Variants in VEZT observed in about 807,000 individuals in gnomAD.
The protein encoded by VEZT is vezatin, adherens junctions transmembrane protein.
Under a neutral mutation model 79.9 loss-of-function variants are expected in VEZT, and 39 were observed. The ratio of observed to expected loss-of-function variants is 0.49; its 90% CI spans 0.38 to 0.64. The LOEUF is 0.64. VEZT is among the 30% of genes least tolerant of loss of function. VEZT has a pLI of 0.00. For missense variants in VEZT, 837 were observed against 893.1 expected (o/e 0.94, Z 0.80); for synonymous variants, 325 against 327.6 (o/e 0.99, Z 0.09).
At chr12:95,282,691 T>G in intron 8 of VEZT, 47 bp downstream of exon 8, 1 of 1,480,892 alleles carries the variant, frequency 6.8e-7, no homozygotes, top group Non-Finnish European at 9.1e-7. Flanking sequence ...ATTAGCAAGC[T>G]TCATTCGTGT....
chr12:95,229,625 G>T (rs1199387838), intron 1 of VEZT, among the ~76,000 whole-genome samples: 1 of 152,130 alleles, frequency 6.6e-6, no homozygotes, highest in Non-Finnish European at 1.5e-5. Context: ...TACAGGAAAA[G>T]AATCTATTCA....
chr12:95,235,985 GC>G (rs1566021231), intron 1 of VEZT, among the ~76,000 whole-genome samples: 2 of 152,094 alleles, frequency 1.3e-5, no homozygotes, highest in East Asian at 3.9e-4. Flanking sequence ...TGGGATGGCA[GC>G]CGGGCAGAGA....
chr12:95,289,034 G>A (rs971742886), intron 9 of VEZT, among the ~76,000 whole-genome samples: 2 of 150,402 alleles, frequency 1.3e-5, no homozygotes, highest in Non-Finnish European at 3.0e-5. Flanking sequence ...AGCTATGATC[G>A]TGCCACTGCT....
intron 6 of VEZT, among the ~76,000 whole-genome samples, chr12:95,271,600 T>A (rs1473675352): frequency 1.3e-5 from 2 of 152,206 alleles, no homozygotes; most frequent in Admixed American, 1.3e-4. Context: ...TATGACAGTG[T>A]GGCATGTGAA....
chr12:95,256,467 C>A (rs2063504576), intron 2 of VEZT: 3 of 723,720 alleles, frequency 4.1e-6, no homozygotes, highest in Non-Finnish European at 5.8e-6. Context: ...GATTGTAATT[C>A]TTTATATTGT....
At chr12:95,247,496 C>A (rs1047681638) in intron 1 of VEZT, among the ~76,000 whole-genome samples, 1 of 150,890 alleles carries the variant, frequency 6.6e-6, no homozygotes, top group Non-Finnish European at 1.5e-5. Flanking sequence ...AGAATTTTTT[C>A]ATTAACATAT....
intron 9 of VEZT, among the ~76,000 whole-genome samples, chr12:95,293,398 ACTT>A (rs924021942): frequency 6.0e-5 from 9 of 149,472 alleles, no homozygotes; most frequent in African/African-American, 2.2e-4. Context: ...TTTAAACCAT[ACTT>A]CTTTTTTTTA....
intron 1 of VEZT, among the ~76,000 whole-genome samples, chr12:95,225,496 G>A (rs2058292489): frequency 6.6e-6 from 1 of 152,106 alleles, no homozygotes; most frequent in Admixed American, 6.6e-5. Context: ...GGCTGAGCTT[G>A]CAGTGAGCCA....
rs111949879 is a variant in VEZT, at chr12:95,287,861, C to G, written c.1522+4C>G. 6.3e-7 allele frequency: 1 copy of G among 1,580,148 alleles called. No homozygotes were observed. The highest frequency in any genetic ancestry group is 8.6e-7 in the Non-Finnish European group (1 of 1,162,576). On this transcript the variant is annotated splice_donor_region_variant and intron_variant, in intron 9 of 11. Transcript: ENST00000436874. ...CGAAGAAATACAGATAAAAAAGGTA[C>G]CTGTGAGAGATTTCTTTGCCATATG...
intron 1 of VEZT, among the ~76,000 whole-genome samples, chr12:95,235,591 G>C (rs1218820307): frequency 7.1e-6 from 1 of 140,372 alleles, no homozygotes; most frequent in Non-Finnish European, 1.6e-5. Context: ...GGGCAGAGGG[G>C]CTCCTCACTT....
intron 1 of VEZT, among the ~76,000 whole-genome samples, chr12:95,234,758 A>G (rs997400711): frequency 3.3e-5 from 5 of 152,112 alleles, no homozygotes; most frequent in Admixed American, 6.5e-5. Context: ...CAGCAGATAA[A>G]CAAGTGAACA....
At chr12:95,283,244 G>T (rs1456115827) in intron 8 of VEZT, among the ~76,000 whole-genome samples, 2 of 152,020 alleles carry the variant, frequency 1.3e-5, no homozygotes, top group African/African-American at 4.8e-5. Context: ...GTCCCACTTT[G>T]GTATACCTTT....
intron 1 of VEZT, among the ~76,000 whole-genome samples, chr12:95,232,308 G>A (rs1217652590): frequency 2.6e-5 from 4 of 152,112 alleles, no homozygotes; most frequent in Non-Finnish European, 5.9e-5. Context: ...CTGTTGGCAT[G>A]GTAGAAACTT....
At chr12:95,246,469 GAA>G (rs2137578446) in intron 1 of VEZT, among the ~76,000 whole-genome samples, 1 of 152,302 alleles carries the variant, frequency 6.6e-6, no homozygotes, top group South Asian at 2.1e-4. Context: ...GGGCTGGCAA[GAA>G]GTGTCAGTAG....
intron 4 of VEZT, among the ~76,000 whole-genome samples, chr12:95,264,526 T>C (rs897153641): frequency 2.6e-5 from 4 of 152,116 alleles, no homozygotes; most frequent in African/African-American, 9.7e-5. Flanking sequence ...AGCCTCAGCC[T>C]CCTAGACTCA....
Position 95,274,744 on chromosome 12 carries a change from AC to A in VEZT, c.856del (p.Leu286Ter). ...RLATLYMLKNYPLNSESDNVT... is the reference protein window; with the variant it reads ...RLATLYMLKNXPLNSESDNVT... Reference sequence around the variant, plus strand: ...TGATTGCCTTAACCTAATTTAACCTACCCCCTGAACTCTGAGAGTGACAATG... The same window carrying A: ...TGATTGCCTTAACCTAATTTAACCTACCCCTGAACTCTGAGAGTGACAATG... On this transcript the variant is annotated frameshift_variant, in exon 7 of 12. Coordinates refer to ENST00000436874, the MANE Select transcript of VEZT (RefSeq NM_017599.4). LOFTEE classifies it high-confidence loss of function. 6.2e-7 allele frequency: 1 copy of A among 1,608,790 alleles called. No homozygotes were observed. Among genetic ancestry groups the A allele is most frequent in the South Asian group, 1.1e-5 (1 of 89,844 alleles).
chr12:95,247,155 T>C (rs2061835264), intron 1 of VEZT, among the ~76,000 whole-genome samples: 1 of 152,230 alleles, frequency 6.6e-6, no homozygotes, highest in Non-Finnish European at 1.5e-5. Context: ...CATTCTCATG[T>C]GTGTATACAG....
intron 4 of VEZT, among the ~76,000 whole-genome samples, chr12:95,264,466 G>A (rs183521995): frequency 3.3e-5 from 5 of 152,046 alleles, no homozygotes; most frequent in African/African-American, 4.8e-5. Context: ...TTTGAGACAG[G>A]GTCTCTGTTG....
rs1253888678 is a variant in VEZT, at chr12:95,274,780, A to G, written c.887A>G (p.Tyr296Cys). 2 of 1,613,694 alleles carry G rather than the reference A, an allele frequency of 1.2e-6. No individual in the cohort carries two copies. The highest frequency in any genetic ancestry group is 1.1e-5 in the South Asian group (1 of 91,008). ...TCTGAGAGTGACAATGTAACCAACT[A>G]CATCTGTGTGGTGCCTTTTAAAGAG... Reference protein sequence around the residue: ...LNSESDNVTNYICVVPFKELG... With the variant: ...LNSESDNVTNCICVVPFKELG... Residue 296 changes from tyrosine (Y) to cysteine (C), a missense_variant, in exon 7 of 12, where the codon TAC becomes TGC. Physicochemically the swap from Tyr to Cys is radical, Grantham distance 194 (BLOSUM62 -2). Transcript: ENST00000436874.
Sources: gnomAD v4.1 joint callset for allele counts (sites outside exome capture counted in the v4.1 genomes callset) on GRCh38, gnomAD v4.1.1 for gene constraint, MANE v1.5 for transcripts, NCBI Gene and HGNC (gene_info 2026-07-23, HGNC 2026-07-21) for gene names.